PLXNC1: variants seen among roughly 807,000 people sequenced by gnomAD.
PLXNC1 encodes plexin C1.
In PLXNC1, 75 loss-of-function variants were observed where a neutral mutation model predicts 178.2. The observed-to-expected ratio is 0.42, with a 90% confidence interval of 0.35 to 0.51. The LOEUF is 0.51. Ranked by LOEUF, PLXNC1 falls within the 20% of genes least tolerant of loss-of-function variation. The pLI, the probability that PLXNC1 is intolerant of heterozygous loss-of-function variation, is 0.02. For missense variants in PLXNC1, 1,503 were observed against 1,984.4 expected, an observed-to-expected ratio of 0.76 and a Z score of 4.61; for synonymous variants, 790 against 779.9, an observed-to-expected ratio of 1.01 and a Z score of -0.22.
chr12:94,238,911 C>T (rs991490219), intron 10 of PLXNC1, among the ~76,000 whole-genome samples: 1 of 152,182 alleles, frequency 6.6e-6, no homozygotes, highest in Non-Finnish European at 1.5e-5. Flanking sequence ...ATCTATGCAA[C>T]ATAGGTTTTT....
At position 94,220,083 on chromosome 12, in the gene PLXNC1, C is replaced by T; in HGVS notation, c.1622C>T (p.Ser541Phe). Residue 541 changes from serine (S) to phenylalanine (F), a missense_variant, in exon 6 of 31, where the codon TCT (serine) becomes TTT (phenylalanine). Transcript: ENST00000258526. Reference protein sequence around the residue: ...HSKCMVKNVDSSRELCQNKSQ... With the variant: ...HSKCMVKNVDFSRELCQNKSQ... Reference sequence around the variant, plus strand: ...AAGTGCATGGTGAAGAATGTGGACTCTAGCAGGGAGCTCTGCCAGAATAAA... The same window carrying T: ...AAGTGCATGGTGAAGAATGTGGACTTTAGCAGGGAGCTCTGCCAGAATAAA... 1.2e-6 allele frequency: 2 copies of T among 1,614,016 alleles called. No homozygotes were observed. The highest frequency in any genetic ancestry group is 1.7e-5 in the Admixed American group (1 of 60,002).
intron 9 of PLXNC1, among the ~76,000 whole-genome samples, chr12:94,235,957 T>A (rs1279530797): frequency 6.6e-6 from 1 of 152,194 alleles, no homozygotes; most frequent in Non-Finnish European, 1.5e-5. Flanking sequence ...ACTTGTTCTC[T>A]TAGCTGTCAC....
chr12:94,254,118 A>C (rs1240032383), intron 15 of PLXNC1, among the ~76,000 whole-genome samples: 1 of 152,186 alleles, frequency 6.6e-6, no homozygotes. Flanking sequence ...TGAGATAGGC[A>C]CTCTTACAGA....
At chr12:94,181,413 A>T in intron 2 of PLXNC1, 33 bp from the exon 3 acceptor site, 23 of 1,172,418 alleles carry the variant, frequency 2.0e-5, no homozygotes, top group African/African-American at 3.1e-5. Context: ...ATTAAATAGA[A>T]ATCATGTTTC....
At chr12:94,231,217 GC>G (rs1444151844) in intron 9 of PLXNC1, among the ~76,000 whole-genome samples, 1 of 152,112 alleles carries the variant, frequency 6.6e-6, no homozygotes, top group Non-Finnish European at 1.5e-5. Flanking sequence ...TGGCATTTCA[GC>G]CCACCTTTGA....
At chr12:94,244,324 G>A (rs1964471256) in intron 12 of PLXNC1, among the ~76,000 whole-genome samples, 1 of 152,172 alleles carries the variant, frequency 6.6e-6, no homozygotes, top group Non-Finnish European at 1.5e-5. Flanking sequence ...TTATGAATAT[G>A]TGTGAAAATG....
chr12:94,178,014 A>G (rs1176509673), intron 2 of PLXNC1, among the ~76,000 whole-genome samples: 1 of 152,228 alleles, frequency 6.6e-6, no homozygotes, highest in African/African-American at 2.4e-5. Context: ...CTTACTATCC[A>G]GTCTGTGTAA....
chr12:94,255,719 A>G (rs150273784), intron 17 of PLXNC1, among the ~76,000 whole-genome samples: 1 of 152,356 alleles, frequency 6.6e-6, no homozygotes, highest in Non-Finnish European at 1.5e-5. Context: ...TCAATTGGAA[A>G]GGAAAAATAC....
At position 94,307,508 on chromosome 12, in the gene PLXNC1, T is replaced by A. The variant is rs986015214; in HGVS notation, c.*2223T>A. The A allele has an allele frequency of 4.6e-5, 7 of 152,080 alleles. No individual in the cohort carries two copies. The highest frequency in any genetic ancestry group is 1.7e-4 in the African/African-American group (7 of 41,416). 9.4% of individuals were successfully genotyped at this position (152,080 alleles called of 1,614,324 possible). On this transcript the variant is annotated 3_prime_UTR_variant, in exon 31 of 31. Coordinates refer to ENST00000258526, the MANE Select transcript of PLXNC1 (RefSeq NM_005761.3). ...TTTTGGTGCAAAACCATTTATAAACTTTTTTTTCTAACACTAGTGTCTACA... is the reference window on the plus strand; with the variant it reads ...TTTTGGTGCAAAACCATTTATAAACATTTTTTTCTAACACTAGTGTCTACA...
intron 15 of PLXNC1, among the ~76,000 whole-genome samples, chr12:94,253,155 G>A (rs1019865814): frequency 7.0e-6 from 1 of 142,804 alleles, no homozygotes; most frequent in Admixed American, 7.4e-5. Context: ...AGGTTGCAGT[G>A]AGCCGAGATC....
chr12:94,186,502 C>A, intron 4 of PLXNC1, 29 bp downstream of exon 4: 2 of 1,484,450 alleles, frequency 1.3e-6, no homozygotes, highest in Non-Finnish European at 1.9e-6. Flanking sequence ...CTCACCAACT[C>A]GCATTTTTGA....
At chr12:94,162,604 C>T (rs142241987) in intron 1 of PLXNC1, among the ~76,000 whole-genome samples, 1,781 of 152,044 alleles carry the variant, frequency 0.012, 26 homozygotes, top group Middle Eastern at 0.027. Flanking sequence ...TGCACTAGAT[C>T]GGGAGGGGAA....
At chr12:94,256,429 A>G (rs967382969) in intron 17 of PLXNC1, 2 of 152,074 alleles carry the variant, frequency 1.3e-5, no homozygotes, top group Non-Finnish European at 2.9e-5. Context: ...TGTAAATAAG[A>G]CTTCAGCTTT....
At chr12:94,197,639 G>T (rs1255773410) in intron 4 of PLXNC1, among the ~76,000 whole-genome samples, 1 of 152,046 alleles carries the variant, frequency 6.6e-6, no homozygotes, top group African/African-American at 2.4e-5. Flanking sequence ...ACACAAAATG[G>T]ACTGAGACAC....
At chr12:94,168,837 T>C (rs1032489535) in intron 1 of PLXNC1, among the ~76,000 whole-genome samples, 1 of 152,198 alleles carries the variant, frequency 6.6e-6, no homozygotes, top group South Asian at 2.1e-4. Context: ...AATTCAGCGG[T>C]GGGCTGTCTC....
chr12:94,202,978 C>T (rs1292813346), intron 4 of PLXNC1, among the ~76,000 whole-genome samples: 2 of 152,112 alleles, frequency 1.3e-5, no homozygotes, highest in Non-Finnish European at 2.9e-5. Context: ...ATCATCAGCT[C>T]TGTGCGTAAG....
At position 94,149,746 on chromosome 12, in the gene PLXNC1, A is replaced by G. The variant is rs1960875557; in HGVS notation, c.775A>G (p.Thr259Ala). The G allele has an allele frequency of 6.2e-7, 1 of 1,611,218 alleles. No individual in the cohort carries two copies. The highest frequency in any genetic ancestry group is 8.5e-7 in the Non-Finnish European group (1 of 1,179,460). ...CTACAACTACACGAGCGGCGCTGCCACCGGCTGGCCCAGCATGGCGCGCAT... is the reference window on the plus strand; with the variant it reads ...CTACAACTACACGAGCGGCGCTGCCGCCGGCTGGCCCAGCATGGCGCGCAT... ...YPYNYTSGAA[T>A]GWPSMARIAQ... The change falls in exon 1 of 31, where the codon ACC becomes GCC. Residue 259 changes from threonine (T) to alanine (A), a missense_variant. Coordinates refer to ENST00000258526, the MANE Select transcript of PLXNC1 (RefSeq NM_005761.3).
Position 94,279,727 on chromosome 12 carries a change from C to A in PLXNC1, c.3775+78C>A. On this transcript the variant is annotated intron_variant, in intron 22 of 30. Transcript: ENST00000258526. ...TGCCTGCCCTCCCTCCCTGTCCCCC[C>A]TCCCTGCCCCCACCAGCTTCCATTC... 8 of 1,226,576 alleles carry A rather than the reference C, an allele frequency of 6.5e-6. 1 individual carries two copies. In the South Asian group the frequency reaches 8.7e-5, roughly 13 times the overall value. The allele number at this position is 1,226,576 out of a possible 1,614,324, so 76.0% of individuals were successfully genotyped here.
chr12:94,202,710 C>T (rs1225421665), intron 4 of PLXNC1, among the ~76,000 whole-genome samples: 1 of 152,178 alleles, frequency 6.6e-6, no homozygotes, highest in East Asian at 1.9e-4. Context: ...TTATCAAATG[C>T]CTGCTCTCCA....
Sources: gnomAD v4.1 joint callset for allele counts (sites outside exome capture counted in the v4.1 genomes callset) on GRCh38, gnomAD v4.1.1 for gene constraint, MANE v1.5 for transcripts, NCBI Gene and HGNC (gene_info 2026-07-23, HGNC 2026-07-21) for gene names.